AFG1L: variants seen among roughly 807,000 people sequenced by gnomAD.
AFG1L encodes the protein AFG1 like ATPase, also known as AFG1-like ATPase.
AFG1L carries 53 observed loss-of-function variants against 62.2 expected under a neutral mutation model. The ratio of observed to expected loss-of-function variants is 0.85; its 90% CI spans 0.68 to 1.07. The LOEUF (loss-of-function observed/expected upper bound fraction) is 1.07. Among genes scored for constraint, AFG1L ranks in the 50% least tolerant of loss-of-function variants. AFG1L has a pLI of 0.00. For synonymous variants in AFG1L, 228 were observed against 210.3 expected (o/e 1.08, Z -0.73); for missense variants, 555 against 590.5 (o/e 0.94, Z 0.62).
intron 2 of AFG1L, among the ~76,000 whole-genome samples, chr6:108,346,080 C>T (rs6917330): frequency 0.072 from 11,017 of 152,180 alleles, 1,373 homozygotes; most frequent in African/African-American, 0.25. Flanking sequence ...GTGAACCCCT[C>T]GCTGTGGGCT....
At chr6:108,326,831 G>C (rs897322865) in intron 2 of AFG1L, among the ~76,000 whole-genome samples, 3 of 152,092 alleles carry the variant, frequency 2.0e-5, no homozygotes, top group African/African-American at 7.2e-5. Flanking sequence ...GTGGTGGCAG[G>C]TGCCTGTAAT....
At chr6:108,383,059 A>C (rs1780616199) in intron 6 of AFG1L, among the ~76,000 whole-genome samples, 1 of 152,142 alleles carries the variant, frequency 6.6e-6, no homozygotes, top group South Asian at 2.1e-4. Context: ...CCCACATGGT[A>C]AAACTCTGTC....
Position 108,398,977 on chromosome 6 carries a change from T to C in AFG1L, c.749-3019T>C, listed in dbSNP as rs548241655. ...ATTTTAGGATTGCTTTTTCTATTTC[T>C]GTGAAGAATGGCATTGTGACTTTGG... On this transcript the variant is annotated intron_variant, in intron 6 of 12. Coordinates refer to ENST00000368977, the MANE Select transcript of AFG1L (RefSeq NM_145315.5). 2.6e-5 allele frequency among the ~76,000 whole-genome samples: 4 copies of C among 152,302 alleles called. No individual in the cohort carries two copies. The South Asian group carries it at 8.3e-4, about 32-fold the overall frequency.
chr6:108,506,371 C>CTTTTGTG (rs1774421562), intron 10 of AFG1L, among the ~76,000 whole-genome samples: 1 of 152,164 alleles, frequency 6.6e-6, no homozygotes, highest in Non-Finnish European at 1.5e-5. Flanking sequence ...CCACACCTGG[C>CTTTTGTG]TAACTTTGTG....
chr6:108,406,288 A>C (rs1781849814), intron 7 of AFG1L, among the ~76,000 whole-genome samples: 1 of 149,962 alleles, frequency 6.7e-6, no homozygotes, highest in Non-Finnish European at 1.5e-5. Context: ...ATTTTCCCCA[A>C]CACTTATCAC....
At chr6:108,443,497 A>T (rs143732294) in intron 7 of AFG1L, among the ~76,000 whole-genome samples, 1 of 152,350 alleles carries the variant, frequency 6.6e-6, no homozygotes, top group Non-Finnish European at 1.5e-5. Flanking sequence ...CATTGTAAGA[A>T]GAACATGTTG....
chr6:108,368,429 G>A (rs1779850764), intron 6 of AFG1L, among the ~76,000 whole-genome samples: 2 of 152,106 alleles, frequency 1.3e-5, no homozygotes, highest in African/African-American at 4.8e-5. Flanking sequence ...TTTGGATCCA[G>A]TTATTCAAAC....
chr6:108,372,087 G>A (rs1780033624), intron 6 of AFG1L, among the ~76,000 whole-genome samples: 1 of 151,238 alleles, frequency 6.6e-6, no homozygotes, highest in African/African-American at 2.4e-5. Flanking sequence ...AACATTTCTA[G>A]TAGTAGTACT....
chr6:108,456,646 C>A (rs1772262810), intron 8 of AFG1L, among the ~76,000 whole-genome samples: 1 of 152,086 alleles, frequency 6.6e-6, no homozygotes, highest in African/African-American at 2.4e-5. Context: ...TCATACCTCT[C>A]ACCCCTCTAC....
chr6:108,310,680 T>C (rs992455490), intron 1 of AFG1L, among the ~76,000 whole-genome samples: 1 of 151,628 alleles, frequency 6.6e-6, no homozygotes, highest in East Asian at 1.9e-4. Context: ...GCTCAAGTGA[T>C]TCTCGTGCCT....
At chr6:108,359,147 G>T (rs556725517) in intron 5 of AFG1L, 1 of 152,136 alleles carries the variant, frequency 6.6e-6, no homozygotes, top group South Asian at 2.1e-4. Context: ...TTTAATTGAG[G>T]ATGGGGCTTA....
At chr6:108,480,402 G>A (rs868723306) in intron 10 of AFG1L, among the ~76,000 whole-genome samples, 1 of 152,192 alleles carries the variant, frequency 6.6e-6, no homozygotes, top group African/African-American at 2.4e-5. Context: ...AGGTCACAAA[G>A]CTAATAAGTG....
At chr6:108,418,431 G>A (rs1770428724) in intron 7 of AFG1L, among the ~76,000 whole-genome samples, 1 of 152,108 alleles carries the variant, frequency 6.6e-6, no homozygotes, top group African/African-American at 2.4e-5. Context: ...TGCTGGCCCT[G>A]ATCTATATAA....
chr6:108,319,882 A>G (rs1777753081), intron 1 of AFG1L: 2 of 321,374 alleles, frequency 6.2e-6, no homozygotes, highest in South Asian at 5.4e-5. Context: ...CCTTTTCTGC[A>G]CATTATTTGT....
intron 7 of AFG1L, among the ~76,000 whole-genome samples, chr6:108,428,238 A>G (rs1348822066): frequency 1.3e-5 from 2 of 152,196 alleles, no homozygotes; most frequent in African/African-American, 4.8e-5. Flanking sequence ...ACTTGGAATA[A>G]TGGCCTTTAC....
Position 108,410,378 on chromosome 6 carries a change from A to G in AFG1L, c.807+8324A>G, listed in dbSNP as rs570122377. Among the ~76,000 whole-genome samples the G allele has an allele frequency of 3.9e-5, 6 of 152,318 alleles. No homozygotes were observed. In the East Asian group the frequency reaches 1.2e-3, roughly 29 times the overall value. ...CCTGAAGGATTATAAAAAGAATCTTACAATCATATGGAAGAAAAATCATTG... is the reference window on the plus strand; with the variant it reads ...CCTGAAGGATTATAAAAAGAATCTTGCAATCATATGGAAGAAAAATCATTG... On this transcript the variant is annotated intron_variant, in intron 7 of 12. Transcript: ENST00000368977.
chr6:108,365,073 T>C (rs577093046), intron 5 of AFG1L, among the ~76,000 whole-genome samples: 8 of 152,248 alleles, frequency 5.3e-5, no homozygotes, highest in African/African-American at 1.9e-4. Context: ...TCTAATGGGG[T>C]TTAAAAATAA....
chr6:108,421,704 C>T (rs900751703), intron 7 of AFG1L, among the ~76,000 whole-genome samples: 4 of 152,082 alleles, frequency 2.6e-5, no homozygotes, highest in Admixed American at 6.6e-5. Context: ...TTCAGTTGTT[C>T]GTAATGAGGT....
intron 6 of AFG1L, among the ~76,000 whole-genome samples, chr6:108,389,100 C>T (rs1457137032): frequency 1.3e-5 from 2 of 152,178 alleles, no homozygotes; most frequent in Admixed American, 1.3e-4. Context: ...GTTAGCTCTT[C>T]CTGTTGAATT....
Sources: allele counts gnomAD v4.1 joint callset (sites outside exome capture counted in the v4.1 genomes callset), GRCh38; gene constraint gnomAD v4.1.1; transcripts MANE v1.5; gene names NCBI Gene and HGNC (gene_info 2026-07-23, HGNC 2026-07-21).